CEMIP2: variants seen among roughly 807,000 people sequenced by gnomAD.
CEMIP2 encodes cell surface hyaluronidase CEMIP2.
Under a neutral mutation model 146.9 loss-of-function variants are expected in CEMIP2, and 79 were observed. That is an observed-to-expected ratio of 0.54 (90% CI 0.45 to 0.65). The LOEUF (loss-of-function observed/expected upper bound fraction) is 0.65. Ranked by LOEUF, CEMIP2 falls within the 30% of genes least tolerant of loss-of-function variation. The pLI is 0.00. For synonymous variants in CEMIP2, 601 were observed against 606.3 expected, an observed-to-expected ratio of 0.99 and a Z score of 0.13; for missense variants, 1,596 against 1,696.2, an observed-to-expected ratio of 0.94 and a Z score of 1.04.
At chr9:71,705,151 C>T (rs954967316) in intron 17 of CEMIP2, among the ~76,000 whole-genome samples, 1 of 152,120 alleles carries the variant, frequency 6.6e-6, no homozygotes, top group Non-Finnish European at 1.5e-5. Context: ...AATTAGTAAA[C>T]TAATGTGAAA....
At position 71,690,167 on chromosome 9, in the gene CEMIP2, A is replaced by C; in HGVS notation, c.3776T>G (p.Leu1259Trp). ...AAGAGGAAAAACCGTTTTTTCCGTC[A>C]AGCGGAATGGAACGCTGCACGGATC... Reference protein sequence around the residue: ...VVDPCSVPFRLTEKTVFPLAD... With the variant: ...VVDPCSVPFRWTEKTVFPLAD... Residue 1259 changes from leucine to tryptophan, a missense_variant, in exon 22 of 24, where the codon TTG (leucine) becomes TGG (tryptophan). By Grantham distance (61) the Leu-to-Trp change is moderately conservative (BLOSUM62 -2). Coordinates refer to ENST00000377044, the MANE Select transcript of CEMIP2 (RefSeq NM_013390.3). The C allele has an allele frequency of 6.2e-7, 1 of 1,614,110 alleles. No homozygotes were observed. Among genetic ancestry groups the C allele is most frequent in the African/African-American group, 1.3e-5 (1 of 75,028 alleles).
rs753907220 is a variant in CEMIP2 at position 71,704,564 on chromosome 9, AC to A, written c.3194+30del. On this transcript the variant is annotated intron_variant, in intron 18 of 23. Transcript: ENST00000377044. ...TCTCCACTAAATTACTACTTGCTCA[AC>A]TATTTGAAATAACAGTAACAGAAAC... 1.1e-5 allele frequency: 17 copies of A among 1,610,688 alleles called. 1 individual carries two copies. In the South Asian group the frequency reaches 1.8e-4, roughly 17 times the overall value.
chr9:71,684,917 T>C lies in CEMIP2; in HGVS notation c.*280A>G, dbSNP rs25697. On this transcript the variant is annotated 3_prime_UTR_variant, in exon 24 of 24. Coordinates refer to ENST00000377044, the MANE Select transcript of CEMIP2 (RefSeq NM_013390.3). ...ATACAAAAAGTAAAAACATTGCTCATGGTCATTACAAAATACGGGGGTGGA... is the reference window on the plus strand; with the variant it reads ...ATACAAAAAGTAAAAACATTGCTCACGGTCATTACAAAATACGGGGGTGGA... 6.7e-5 allele frequency: 24 copies of C among 357,762 alleles called. 1 individual carries two copies. Among genetic ancestry groups the C allele is most frequent in the East Asian group, 6.4e-4 (14 of 21,890 alleles). 22.2% of individuals were successfully genotyped at this position (357,762 alleles called of 1,614,324 possible). A position where few individuals can be genotyped will look rare whatever the true frequency, so the allele number is the denominator to read the frequency against.
chr9:71,728,193 TTCTC>T (rs369654117), intron 10 of CEMIP2, among the ~76,000 whole-genome samples: 396 of 29,546 alleles, frequency 0.013, 19 homozygotes, highest in Middle Eastern at 0.038. Context: ...CAGCGAAACC[TTCTC>T]TCTCTCTCTC....
chr9:71,751,879 T>C (rs188857633), intron 1 of CEMIP2, among the ~76,000 whole-genome samples: 1 of 151,032 alleles, frequency 6.6e-6, no homozygotes, highest in Admixed American at 6.6e-5. Flanking sequence ...CACTTAACGA[T>C]ATAGATTGTG....
chr9:71,759,964 T>C (rs1365895257), intron 1 of CEMIP2, among the ~76,000 whole-genome samples: 1 of 151,886 alleles, frequency 6.6e-6, no homozygotes, highest in Non-Finnish European at 1.5e-5. Context: ...GTGAAGTATT[T>C]TTATTTTCTT....
chr9:71,706,367 G>A (rs1822739965), intron 17 of CEMIP2, among the ~76,000 whole-genome samples: 1 of 151,710 alleles, frequency 6.6e-6, no homozygotes, highest in African/African-American at 2.4e-5. Flanking sequence ...ACAACAAATG[G>A]CTGCAGAACT....
rs530043217 is a variant in CEMIP2, at chr9:71,685,206, T to C, written c.4143A>G (p.Lys1381=). The part of the protein sequence containing the change: ...RDLELLKQAS[K]AH ...AAGTTACAGTTAGTCTCTAATGTGC[T>C]TTTGAAGCTTGCTTTAGCAGTTCCA... The change falls in exon 24 of 24, where the codon AAA becomes AAG. Residue 1381 remains lysine, a synonymous_variant. Coordinates refer to ENST00000377044, the MANE Select transcript of CEMIP2 (RefSeq NM_013390.3). 2.5e-6 allele frequency: 4 copies of C among 1,608,232 alleles called. No individual in the cohort carries two copies. In the African/African-American group the frequency reaches 5.4e-5, roughly 22 times the overall value.
intron 10 of CEMIP2, among the ~76,000 whole-genome samples, chr9:71,729,357 C>T (rs1338039148): frequency 1.3e-5 from 2 of 151,940 alleles, no homozygotes; most frequent in South Asian, 2.1e-4. Context: ...TGGTGGCTCA[C>T]GCCTGTAATC....
chr9:71,707,894 T>C (rs1044328125), intron 17 of CEMIP2, among the ~76,000 whole-genome samples: 1 of 152,138 alleles, frequency 6.6e-6, no homozygotes, highest in Admixed American at 6.5e-5. Flanking sequence ...GACAGTCTAT[T>C]ATTAAATCCT....
intron 22 of CEMIP2, among the ~76,000 whole-genome samples, chr9:71,688,259 T>G (rs969238386): frequency 1.3e-5 from 2 of 152,084 alleles, no homozygotes; most frequent in African/African-American, 4.8e-5. Flanking sequence ...GATTGATTTA[T>G]TTTCAGAGTC....
At chr9:71,741,485 C>T (rs1354559496) in intron 4 of CEMIP2, among the ~76,000 whole-genome samples, 3 of 151,854 alleles carry the variant, frequency 2.0e-5, no homozygotes, top group Non-Finnish European at 2.9e-5. Flanking sequence ...GTGTGAGCCA[C>T]CGCAGCCAGC....
At chr9:71,745,603 G>A in intron 3 of CEMIP2, 24 bp from the exon 4 acceptor site, 1 of 1,539,904 alleles carries the variant, frequency 6.5e-7, no homozygotes, top group Non-Finnish European at 8.7e-7. Context: ...CACCCTGTAA[G>A]CCAACTTCTA....
Position 71,712,415 on chromosome 9 carries a change from A to G in CEMIP2, c.2592-155T>C, listed in dbSNP as rs1171453468. The stretch of plus-strand genomic sequence containing the variant: ...AAAACAAGATACCTGATTGAATGAA[A>G]CATATGCTGTAGTGGGAAAGACAAA... On this transcript the variant is annotated intron_variant, in intron 15 of 23. Coordinates refer to ENST00000377044, the MANE Select transcript of CEMIP2 (RefSeq NM_013390.3). 1.8e-5 allele frequency: 12 copies of G among 661,672 alleles called. 1 individual carries two copies. The highest frequency in any genetic ancestry group is 7.6e-4 in the Middle Eastern group (2 of 2,642). The allele number at this position is 661,672 out of a possible 1,614,324, so 41.0% of individuals were successfully genotyped here.
At chr9:71,732,226 T>C in intron 7 of CEMIP2, 125 bp downstream of exon 7, 2 of 1,020,226 alleles carry the variant, frequency 2.0e-6, no homozygotes, top group Non-Finnish European at 2.8e-6. Context: ...CTCATTGTCA[T>C]TTGAGAAACA....
At chr9:71,755,961 CAAAAAAAAAAAA>C (rs55972127) in intron 1 of CEMIP2, among the ~76,000 whole-genome samples, 9 of 52,896 alleles carry the variant, frequency 1.7e-4, no homozygotes, top group Admixed American at 1.3e-3. Flanking sequence ...CTCTGTCTCA[CAAAAAAAAAAAA>C]AAAAAAAAAA....
chr9:71,725,422 C>A (rs1242796037), intron 11 of CEMIP2, among the ~76,000 whole-genome samples, 159 bp downstream of exon 11: 1 of 152,130 alleles, frequency 6.6e-6, no homozygotes, highest in African/African-American at 2.4e-5. Context: ...GACTTCCCAG[C>A]CTTCAGAAGT....
chr9:71,766,085 T>C (rs1180651955), intron 1 of CEMIP2, among the ~76,000 whole-genome samples: 1 of 151,538 alleles, frequency 6.6e-6, no homozygotes, highest in Non-Finnish European at 1.5e-5. Flanking sequence ...TTTTTTTTTT[T>C]CAGATGGAGT....
At chr9:71,695,863 C>T (rs1485877025) in intron 20 of CEMIP2, among the ~76,000 whole-genome samples, 1 of 152,022 alleles carries the variant, frequency 6.6e-6, no homozygotes, top group Non-Finnish European at 1.5e-5. Context: ...CATCTGTAAT[C>T]CCAACAATTT....
Sources: allele counts gnomAD v4.1 joint callset (sites outside exome capture counted in the v4.1 genomes callset), GRCh38; gene constraint gnomAD v4.1.1; transcripts MANE v1.5; gene names NCBI Gene and HGNC (gene_info 2026-07-23, HGNC 2026-07-21).